Variants in PLEKHA2 observed in about 807,000 individuals in gnomAD.
PLEKHA2 encodes the protein pleckstrin homology domain containing A2.
A neutral mutation model predicts 53.2 loss-of-function variants in PLEKHA2; 28 were observed. The ratio of observed to expected loss-of-function variants is 0.53; its 90% CI spans 0.39 to 0.72. PLEKHA2 has a LOEUF of 0.72. Ranked by LOEUF, PLEKHA2 falls within the 30% of genes least tolerant of loss-of-function variation. PLEKHA2 has a pLI of 0.00. For synonymous variants in PLEKHA2, 193 were observed against 196.4 expected, an observed-to-expected ratio of 0.98 and a Z score of 0.14; for missense variants, 426 against 537.9, an observed-to-expected ratio of 0.79 and a Z score of 2.06.
chr8:38,953,192 T>C, intron 8 of PLEKHA2, 105 bp from the exon 9 acceptor site: 1 of 938,592 alleles, frequency 1.1e-6, no homozygotes, highest in Non-Finnish European at 1.7e-6. Context: ...TTTGTCAACC[T>C]GATTTTAGCC....
intron 1 of PLEKHA2, among the ~76,000 whole-genome samples, chr8:38,909,153 A>G (rs1833920735): frequency 6.6e-6 from 1 of 152,208 alleles, no homozygotes; most frequent in Non-Finnish European, 1.5e-5. Context: ...AAAAAAAAAA[A>G]AAAGAATTAT....
At chr8:38,958,862 C>G (rs1047021007) in intron 10 of PLEKHA2, among the ~76,000 whole-genome samples, 2 of 152,054 alleles carry the variant, frequency 1.3e-5, no homozygotes, top group Admixed American at 6.6e-5. Flanking sequence ...AGAGAGAGCT[C>G]GTCAAGTCCA....
At position 38,968,637 on chromosome 8, in the gene PLEKHA2, G is replaced by T. The variant is rs1050698413; in HGVS notation, c.883G>T (p.Ala295Ser). Residue 295 changes from alanine (A) to serine (S), a missense_variant, in exon 11 of 12, where the codon GCA becomes TCA. Ala to Ser is a moderately conservative substitution (Grantham distance 99). Transcript: ENST00000617275. ...GCACAGCTGGATTAAGGAGATTGGC[G>T]CAGCTGTCCAGGCCCTCAAGTGCCA... ...DMHSWIKEIGAAVQALKCHPR... is the reference protein window; with the variant it reads ...DMHSWIKEIGSAVQALKCHPR... The T allele has an allele frequency of 6.2e-7, 1 of 1,613,886 alleles. No homozygotes were observed. The highest frequency in any genetic ancestry group is 8.5e-7 in the Non-Finnish European group (1 of 1,179,900).
At chr8:38,919,425 G>T (rs773141678) in intron 2 of PLEKHA2, among the ~76,000 whole-genome samples, 9 of 152,166 alleles carry the variant, frequency 5.9e-5, no homozygotes, top group African/African-American at 2.2e-4. Flanking sequence ...GAGTGATTTG[G>T]TGGAATGAGC....
intron 5 of PLEKHA2, 93 bp downstream of exon 5, chr8:38,946,314 C>T (rs770314502): frequency 2.0e-5 from 22 of 1,093,382 alleles, no homozygotes; most frequent in Non-Finnish European, 2.3e-5. Flanking sequence ...GAGATGGCAG[C>T]GGGGACTTTC....
At chr8:38,938,520 C>T (rs1304138953) in intron 3 of PLEKHA2, among the ~76,000 whole-genome samples, 1 of 152,260 alleles carries the variant, frequency 6.6e-6, no homozygotes, top group Non-Finnish European at 1.5e-5. Flanking sequence ...GTGGGGCTGG[C>T]CCTAGCCGTG....
rs796220611 is a variant in PLEKHA2 at position 38,970,257 on chromosome 8, A to C, written c.*474A>C. ...CAGCATTAGTCTAATTTTAAGCGCT[A>C]TGTGTTTTGTACCCTTGCAAACTTG... On this transcript the variant is annotated 3_prime_UTR_variant, in exon 12 of 12. Coordinates refer to ENST00000617275, the MANE Select transcript of PLEKHA2 (RefSeq NM_021623.2). 1 of 397,702 alleles carries C rather than the reference A, an allele frequency of 2.5e-6. No individual in the cohort carries two copies. Among genetic ancestry groups the C allele is most frequent in the Non-Finnish European group, 4.4e-6 (1 of 227,920 alleles). The allele number at this position is 397,702 out of a possible 1,614,324, so 24.6% of individuals were successfully genotyped here.
intron 1 of PLEKHA2, among the ~76,000 whole-genome samples, chr8:38,912,110 G>C (rs930691923): frequency 6.6e-6 from 1 of 152,182 alleles, no homozygotes; most frequent in African/African-American, 2.4e-5. Context: ...AGACCAGCCT[G>C]GCCAACATGG....
Position 38,952,262 on chromosome 8 carries a change from A to G in PLEKHA2, c.583A>G (p.Thr195Ala), listed in dbSNP as rs1381454752. 6.2e-7 allele frequency: 1 copy of G among 1,612,686 alleles called. No homozygotes were observed. The highest frequency in any genetic ancestry group is 8.5e-7 in the Non-Finnish European group (1 of 1,179,530). The part of the protein sequence containing the change: ...YIPTSGCRAS[T>A]GPPLIKSGYC... Reference sequence around the variant, plus strand: ...CCCCACGTCAGGCTGCCGTGCTTCCACTGGGCCTCCCCTCATTAAGAGTGG... The same window carrying G: ...CCCCACGTCAGGCTGCCGTGCTTCCGCTGGGCCTCCCCTCATTAAGAGTGG... The change falls in exon 7 of 12, where the codon ACT becomes GCT. Residue 195 changes from threonine (T) to alanine (A), a missense_variant. Thr to Ala is a moderately conservative substitution (Grantham distance 58, BLOSUM62 0). Coordinates refer to ENST00000617275, the MANE Select transcript of PLEKHA2 (RefSeq NM_021623.2).
chr8:38,944,287 G>T (rs1248470777), intron 4 of PLEKHA2, among the ~76,000 whole-genome samples: 2 of 151,982 alleles, frequency 1.3e-5, no homozygotes, highest in Non-Finnish European at 2.9e-5. Flanking sequence ...GGCCGAGGCG[G>T]GCAGATCACC....
intron 2 of PLEKHA2, among the ~76,000 whole-genome samples, chr8:38,923,877 A>G (rs922120221): frequency 2.6e-5 from 4 of 152,086 alleles, no homozygotes; most frequent in African/African-American, 9.7e-5. Flanking sequence ...TTTAAGACAG[A>G]GTCTCACTCT....
At chr8:38,919,532 C>T (rs971532409) in intron 2 of PLEKHA2, among the ~76,000 whole-genome samples, 9 of 152,060 alleles carry the variant, frequency 5.9e-5, no homozygotes, top group African/African-American at 1.9e-4. Context: ...GCTCTAGTTC[C>T]GAGGCTTGGG....
chr8:38,928,000 T>G (rs1283784266), intron 2 of PLEKHA2, among the ~76,000 whole-genome samples: 1 of 151,706 alleles, frequency 6.6e-6, no homozygotes, highest in Non-Finnish European at 1.5e-5. Context: ...GAAAGTTTAG[T>G]ACCTGGTTGA....
intron 3 of PLEKHA2, 121 bp from the exon 4 acceptor site, chr8:38,943,668 A>AT (rs1312954350): frequency 2.7e-6 from 2 of 732,416 alleles, no homozygotes; most frequent in African/African-American, 1.8e-5. Flanking sequence ...TTTAATTATT[A>AT]TTTTTTAAAA....
At chr8:38,928,919 G>A (rs74700076) in intron 2 of PLEKHA2, among the ~76,000 whole-genome samples, 13,156 of 152,198 alleles carry the variant, frequency 0.086, 756 homozygotes, top group Non-Finnish European at 0.13. Flanking sequence ...GTCACCTGGT[G>A]CCTGGGATTC....
chr8:38,947,271 T>C (rs1834732689), intron 5 of PLEKHA2, among the ~76,000 whole-genome samples: 1 of 151,986 alleles, frequency 6.6e-6, no homozygotes, highest in Admixed American at 6.6e-5. Context: ...GCCAACATAG[T>C]GAAACCCCGT....
At chr8:38,932,982 G>C (rs1274822741) in intron 2 of PLEKHA2, among the ~76,000 whole-genome samples, 3 of 152,200 alleles carry the variant, frequency 2.0e-5, no homozygotes, top group Non-Finnish European at 4.4e-5. Flanking sequence ...TGAACAGGGA[G>C]AGCTGCCAGG....
chr8:38,946,185 C>T lies in PLEKHA2; in HGVS notation c.309C>T (p.Asp103=), dbSNP rs1251882251. The T allele has an allele frequency of 6.2e-7, 1 of 1,607,268 alleles. No homozygotes were observed. The highest frequency in any genetic ancestry group is 1.1e-5 in the South Asian group (1 of 89,584). Residue 103 remains aspartate (D), a synonymous_variant, in exon 5 of 12, where the codon GAC becomes GAT. Transcript: ENST00000617275. Reference sequence around the variant, plus strand: ...CCAATGATCAGAAAGATATGAAGGACTGGGTTGAAGCCCTGAACCAAGCCA... The same window carrying T: ...CCAATGATCAGAAAGATATGAAGGATTGGGTTGAAGCCCTGAACCAAGCCA... ...LQANDQKDMK[D]WVEALNQASK...
In PLEKHA2 at chr8:38,949,771, C is replaced by CT. The variant is rs561528204; in HGVS notation, c.346-1078dup. Among the ~76,000 whole-genome samples, 26 of 152,322 alleles carry CT rather than the reference C, an allele frequency of 1.7e-4. No homozygotes were observed. The South Asian group carries it at 5.2e-3, about 30-fold the overall frequency. ...GTGTTTCTAAAGCATTTAATATACT[C>CT]TATCATTTGATAACCACAACGATGG... On this transcript the variant is annotated intron_variant, in intron 5 of 11. Transcript: ENST00000617275.
Sources: allele counts gnomAD v4.1 joint callset (sites outside exome capture counted in the v4.1 genomes callset), GRCh38; gene constraint gnomAD v4.1.1; transcripts MANE v1.5; gene names NCBI Gene and HGNC (gene_info 2026-07-23, HGNC 2026-07-21).